The following CBLN2 variants were observed in gnomAD, a reference collection of about 807,000 sequenced individuals.
CBLN2 encodes the protein cerebellin 2 precursor, also known as cerebellin-2.
Under a neutral mutation model 15.0 loss-of-function variants are expected in CBLN2, and 7 were observed. The ratio of observed to expected loss-of-function variants is 0.47; its 90% CI spans 0.27 to 0.88. The LOEUF (loss-of-function observed/expected upper bound fraction) is 0.88, where lower values mean the gene tolerates loss of function less well. Among genes scored for constraint, CBLN2 ranks in the 40% least tolerant of loss-of-function variants. The probability of loss-of-function intolerance (pLI) is 0.14; values close to 1 mark genes in which losing one functional copy is unlikely to be tolerated. For synonymous variants in CBLN2, 149 were observed against 135.2 expected (o/e 1.10, Z -0.71); for missense variants, 242 against 304.5 (o/e 0.79, Z 1.53).
intron 1 of CBLN2, among the ~76,000 whole-genome samples, chr18:72,608,170 C>T (rs1174024272): frequency 6.6e-6 from 1 of 152,158 alleles, no homozygotes; most frequent in East Asian, 1.9e-4. Context: ...TGCTTTATTC[C>T]TTGTAAACAA....
At chr18:72,547,720 C>T (rs1341459339), upstream of CBLN2, among the ~76,000 whole-genome samples, 1 of 151,844 alleles carries the variant, frequency 6.6e-6, no homozygotes, top group Non-Finnish European at 1.5e-5. Context: ...AAGGAAAAAA[C>T]TTGTGCTTTT....
intron 1 of CBLN2, among the ~76,000 whole-genome samples, chr18:72,564,825 C>T (rs1568256947): frequency 6.7e-6 from 1 of 149,678 alleles, no homozygotes; most frequent in Non-Finnish European, 1.5e-5. Flanking sequence ...TAGATTCAAC[C>T]CAAAAAGATA....
At chr18:72,607,719 CTT>C (rs1339590810) in intron 1 of CBLN2, among the ~76,000 whole-genome samples, 1 of 151,866 alleles carries the variant, frequency 6.6e-6, no homozygotes, top group African/African-American at 2.4e-5. Context: ...CTCTCTCTCT[CTT>C]TTCCTCTAAA....
At chr18:72,622,374 G>A (rs1185848433) in intron 1 of CBLN2, among the ~76,000 whole-genome samples, 2 of 151,754 alleles carry the variant, frequency 1.3e-5, no homozygotes, top group African/African-American at 4.8e-5. Context: ...TTAAGCTAAG[G>A]TTGACTTTCT....
At chr18:72,601,413 T>C (rs117432981) in intron 1 of CBLN2, among the ~76,000 whole-genome samples, 7 of 151,138 alleles carry the variant, frequency 4.6e-5, no homozygotes, top group African/African-American at 1.5e-4. Flanking sequence ...GGGAGGTGTA[T>C]GCCATGTGCC....
upstream of CBLN2, among the ~76,000 whole-genome samples, chr18:72,546,239 C>A (rs1330204421): frequency 6.6e-6 from 1 of 152,112 alleles, no homozygotes; most frequent in Non-Finnish European, 1.5e-5. Context: ...AGATTGAGAC[C>A]ATCCTGGCTA....
At chr18:72,547,476 A>T (rs1048629426), upstream of CBLN2, among the ~76,000 whole-genome samples, 11 of 152,188 alleles carry the variant, frequency 7.2e-5, no homozygotes, top group East Asian at 1.9e-4. Flanking sequence ...TTAAAAATTT[A>T]AAAAATTCTA....
At chr18:72,575,087 A>G (rs2069356276) in intron 1 of CBLN2, among the ~76,000 whole-genome samples, 2 of 152,180 alleles carry the variant, frequency 1.3e-5, no homozygotes, top group South Asian at 4.1e-4. Context: ...ATGTAGAACC[A>G]ACAGATTAGA....
upstream of CBLN2, among the ~76,000 whole-genome samples, chr18:72,547,280 T>C (rs1259411129): frequency 6.6e-6 from 1 of 152,066 alleles, no homozygotes; most frequent in Non-Finnish European, 1.5e-5. Flanking sequence ...TTTCCAGTTA[T>C]GAGTGGGAGG....
intron 1 of CBLN2, among the ~76,000 whole-genome samples, chr18:72,565,030 A>G (rs924787038): frequency 6.6e-6 from 1 of 152,222 alleles, no homozygotes; most frequent in Admixed American, 6.5e-5. Flanking sequence ...CAAGAATAGC[A>G]CTCAGCAAAG....
rs760112976 is a variant in CBLN2, at chr18:72,541,906, G to C, written c.255C>G (p.Ser85=). ...CCACCTTGGCGCTGCCGGAGCGCACGGAGATGCCTAGGGAGGAGGTGACGG... is the reference window on the plus strand; with the variant it reads ...CCACCTTGGCGCTGCCGGAGCGCACCGAGATGCCTAGGGAGGAGGTGACGG... The part of the protein sequence containing the change: ...DGAVTSSLGI[S]VRSGSAKVAF... The change falls in exon 3 of 5, where the codon TCC becomes TCG. Residue 85 remains serine (S), a synonymous_variant. Transcript: ENST00000269503. 1 of 1,608,170 alleles carries C rather than the reference G, an allele frequency of 6.2e-7. No individual in the cohort carries two copies. The highest frequency in any genetic ancestry group is 8.5e-7 in the Non-Finnish European group (1 of 1,179,174).
upstream of CBLN2, among the ~76,000 whole-genome samples, chr18:72,546,226 A>G (rs975418972): frequency 6.6e-6 from 1 of 152,154 alleles, no homozygotes; most frequent in African/African-American, 2.4e-5. Context: ...TCACGAGGTC[A>G]GGAGATTGAG....
chr18:72,543,536 T>A lies in CBLN2; in HGVS notation c.-211-6A>T. On this transcript the variant is annotated splice_polypyrimidine_tract_variant and splice_region_variant and intron_variant, in intron 1 of 4. Transcript: ENST00000269503. The surrounding 1 kb of genome is among the most constrained non-coding windows in gnomAD (Gnocchi z 6.8). Reference sequence around the variant, plus strand: ...CCGCTGTCCGCGAAGTTGCTCTGCTTAGAGAAAATGAGGCGAGTGGGAGCT... The same window carrying A: ...CCGCTGTCCGCGAAGTTGCTCTGCTAAGAGAAAATGAGGCGAGTGGGAGCT... 2.5e-6 allele frequency: 1 copy of A among 398,326 alleles called. No homozygotes were observed. The highest frequency in any genetic ancestry group is 4.4e-6 in the Non-Finnish European group (1 of 225,978). 24.7% of individuals were successfully genotyped at this position (398,326 alleles called of 1,614,324 possible).
At chr18:72,577,990 A>G (rs971829390) in intron 1 of CBLN2, among the ~76,000 whole-genome samples, 3 of 152,186 alleles carry the variant, frequency 2.0e-5, no homozygotes, top group African/African-American at 4.8e-5. Flanking sequence ...TGTAGTTGGC[A>G]TACAGATTCT....
rs1199361769 is a variant in CBLN2, at chr18:72,541,727, C to T, written c.357+77G>A. On this transcript the variant is annotated intron_variant, in intron 3 of 4. Coordinates refer to ENST00000269503, the MANE Select transcript of CBLN2 (RefSeq NM_182511.4). Reference sequence around the variant, plus strand: ...CCTGGGAACTCCACGTCCAAGAAGCCTGAACCCCAGCCCGCGCGCGCAGGT... The same window carrying T: ...CCTGGGAACTCCACGTCCAAGAAGCTTGAACCCCAGCCCGCGCGCGCAGGT... 2.0e-5 allele frequency: 25 copies of T among 1,247,180 alleles called. No homozygotes were observed. In the East Asian group the frequency reaches 5.9e-4, roughly 29 times the overall value. 77.3% of individuals were successfully genotyped at this position (1,247,180 alleles called of 1,614,324 possible). A position where few individuals can be genotyped will look rare whatever the true frequency, so the allele number is the denominator to read the frequency against.
intron 1 of CBLN2, among the ~76,000 whole-genome samples, chr18:72,555,061 G>A (rs2069216134): frequency 6.6e-6 from 1 of 151,936 alleles, no homozygotes; most frequent in South Asian, 2.1e-4. Flanking sequence ...CTTGAACCCA[G>A]GAGGTGGAGG....
At chr18:72,605,769 A>C (rs533419962) in intron 1 of CBLN2, among the ~76,000 whole-genome samples, 1 of 152,244 alleles carries the variant, frequency 6.6e-6, no homozygotes, top group African/African-American at 2.4e-5. Context: ...CTACTAAGAA[A>C]ATAAAAAAAC....
intron 1 of CBLN2, among the ~76,000 whole-genome samples, chr18:72,589,983 A>G (rs2069468978): frequency 6.6e-6 from 1 of 151,748 alleles, no homozygotes; most frequent in South Asian, 2.1e-4. Context: ...AAATACAAAA[A>G]TTAGTCAGGC....
intron 3 of CBLN2, among the ~76,000 whole-genome samples, chr18:72,540,538 G>A (rs928924314): frequency 1.8e-4 from 27 of 152,222 alleles, no homozygotes; most frequent in Non-Finnish European, 2.5e-4. Flanking sequence ...AACAATAACT[G>A]CACGTAAAGG....
Sources: allele counts gnomAD v4.1 joint callset (sites outside exome capture counted in the v4.1 genomes callset), GRCh38; gene constraint gnomAD v4.1.1; non-coding constraint Gnocchi (gnomAD v3.1); transcripts MANE v1.5; gene names NCBI Gene and HGNC (gene_info 2026-07-23, HGNC 2026-07-21).